The following SEC16A variants were observed in gnomAD, a reference collection of about 807,000 sequenced individuals.
The protein encoded by SEC16A is SEC16 homolog A, endoplasmic reticulum export factor.
A neutral mutation model predicts 221.9 loss-of-function variants in SEC16A; 110 were observed. The observed-to-expected ratio is 0.50, with a 90% CI of 0.42 to 0.58. The LOEUF (loss-of-function observed/expected upper bound fraction) is 0.58, where lower values mean the gene tolerates loss of function less well. Ranked by LOEUF, SEC16A falls within the 20% of genes least tolerant of loss-of-function variation. SEC16A has a pLI of 0.00. For missense variants in SEC16A, 3,165 were observed against 3,097.8 expected (o/e 1.02, Z -0.52); for synonymous variants, 1,393 against 1,257.7 (o/e 1.11, Z -2.28).
chr9:136,463,444 G>C lies in SEC16A; in HGVS notation c.4647+19C>G. The C allele has an allele frequency of 6.2e-7, 1 of 1,610,306 alleles. No homozygotes were observed. Among genetic ancestry groups the C allele is most frequent in the Non-Finnish European group, 8.5e-7 (1 of 1,177,706 alleles). ...AAGACCAGCAAGAAGAAACACTCTA[G>C]AAGTAGAAAGAAACATACCCCATTT... On this transcript the variant is annotated intron_variant, in intron 11 of 31. Coordinates refer to ENST00000684901, the MANE Select transcript of SEC16A (RefSeq NM_014866.2).
chr9:136,471,624 C>T (rs1840884062), intron 4 of SEC16A, among the ~76,000 whole-genome samples: 1 of 152,220 alleles, frequency 6.6e-6, no homozygotes, highest in Admixed American at 6.5e-5. Context: ...GGAGCCTGAA[C>T]ACCCCATTAG....
chr9:136,468,080 T>C (rs1840380724), intron 5 of SEC16A, among the ~76,000 whole-genome samples: 1 of 152,216 alleles, frequency 6.6e-6, no homozygotes, highest in African/African-American at 2.4e-5. Flanking sequence ...TTCCTTTTCA[T>C]CCGTTTATGT....
At chr9:136,462,288 A>T (rs1174230912) in intron 12 of SEC16A, among the ~76,000 whole-genome samples, 1 of 152,046 alleles carries the variant, frequency 6.6e-6, no homozygotes, top group East Asian at 1.9e-4. Context: ...CATGCACCCT[A>T]GACAGCCCCT....
At position 136,474,909 on chromosome 9, in the gene SEC16A, C is replaced by T; in HGVS notation, c.2707G>A (p.Ala903Thr). The change falls in exon 3 of 32, where the codon GCC becomes ACC. Residue 903 changes from alanine to threonine, a missense_variant. By Grantham distance (58) the Ala-to-Thr change is moderately conservative. Coordinates refer to ENST00000684901, the MANE Select transcript of SEC16A (RefSeq NM_014866.2). ...GAACCTTGTGGAAAATTACTTTGGG[C>T]AACACTGCTAGGCAGAGACAAGCTA... Reference protein sequence around the residue: ...VLSLSLPSSVAQSNFPQGSGA... With the variant: ...VLSLSLPSSVTQSNFPQGSGA... 1 of 1,613,830 alleles carries T rather than the reference C, an allele frequency of 6.2e-7. No homozygotes were observed. The highest frequency in any genetic ancestry group is 8.5e-7 in the Non-Finnish European group (1 of 1,179,874).
upstream of SEC16A, chr9:136,483,483 C>T (rs1038408406): frequency 9.2e-6 from 9 of 976,834 alleles, no homozygotes; most frequent in Non-Finnish European, 7.3e-6. Flanking sequence ...GGCCCCGCCC[C>T]CCTCCGGCGT....
At chr9:136,443,189 A>G (rs1226079435) in intron 31 of SEC16A, among the ~76,000 whole-genome samples, 1 of 152,132 alleles carries the variant, frequency 6.6e-6, no homozygotes, top group African/African-American at 2.4e-5. Context: ...CAACCTAGGA[A>G]AAGGCAAAGC....
intron 22 of SEC16A, among the ~76,000 whole-genome samples, chr9:136,452,030 C>G (rs937634606): frequency 6.6e-6 from 1 of 152,090 alleles, no homozygotes; most frequent in African/African-American, 2.4e-5. Context: ...GTATTTATAC[C>G]AAACATGTCT....
At chr9:136,472,622 C>T (rs1333246625) in intron 3 of SEC16A, among the ~76,000 whole-genome samples, 2 of 152,208 alleles carry the variant, frequency 1.3e-5, no homozygotes, top group Non-Finnish European at 2.9e-5. Flanking sequence ...AAAAGCGGAC[C>T]GTGCTTTATT....
At chr9:136,483,135 C>G (rs1842631295), upstream of SEC16A, 2 of 533,066 alleles carry the variant, frequency 3.8e-6, no homozygotes, top group African/African-American at 4.2e-5. Flanking sequence ...GCTCGTCGGC[C>G]CAGACGCGTT....
chr9:136,480,814 T>C (rs144711346), intron 1 of SEC16A, among the ~76,000 whole-genome samples: 6,473 of 151,410 alleles, frequency 0.043, 363 homozygotes, highest in African/African-American at 0.13. Flanking sequence ...GGCGTAAACC[T>C]GGGAGGCGGA....
In SEC16A at chr9:136,445,104, C is replaced by T. The variant is rs562597563; in HGVS notation, c.6875G>A (p.Arg2292His). ...TGATAATGAACTCATTGAACTACAG[C>T]GCGAAAGCTACAAAACAGCAAGAAC... ...PEGSQGGELSRCSSMSSLSRE... is the reference protein window; with the variant it reads ...PEGSQGGELSHCSSMSSLSRE... Residue 2292 changes from arginine (R) to histidine (H), a missense_variant, in exon 30 of 32, where the codon CGC (arginine) becomes CAC (histidine). Coordinates refer to ENST00000684901, the MANE Select transcript of SEC16A (RefSeq NM_014866.2). 12 of 1,605,100 alleles carry T rather than the reference C, an allele frequency of 7.5e-6. 1 individual carries two copies. The highest frequency in any genetic ancestry group is 6.7e-5 in the South Asian group (6 of 89,156).
chr9:136,476,067 G>A lies in SEC16A; in HGVS notation c.1549C>T (p.His517Tyr). 1 of 1,613,576 alleles carries A rather than the reference G, an allele frequency of 6.2e-7. No individual in the cohort carries two copies. The highest frequency in any genetic ancestry group is 8.5e-7 in the Non-Finnish European group (1 of 1,179,876). Residue 517 changes from histidine (H) to tyrosine (Y), a missense_variant, in exon 3 of 32, where the codon CAC becomes TAC. Physicochemically the swap from His to Tyr is moderately conservative, Grantham distance 83. Around this residue, in one of 3 missense-constraint regions of SEC16A, gnomAD observed 2,030 missense variants for 1,923.1 expected, o/e 1.06. Transcript: ENST00000684901. ...TAGCTGGATGACACGCTGTCAGGGT[G>A]CACTGTATGCAGTGTGGCATCAGGG... ...GAPDATLHTV[H>Y]PDSVSSSYSS...
At chr9:136,455,835 C>A in intron 19 of SEC16A, 42 bp from the exon 20 acceptor site, 1 of 1,538,548 alleles carries the variant, frequency 6.5e-7, no homozygotes, top group Non-Finnish European at 8.8e-7. Flanking sequence ...CCGCCTGTGG[C>A]CGCTCTGCAG....
intron 23 of SEC16A, 150 bp downstream of exon 23, chr9:136,451,106 C>T: frequency 3.9e-6 from 3 of 770,778 alleles, no homozygotes; most frequent in Non-Finnish European, 6.2e-6. Flanking sequence ...ACACAGACAC[C>T]CATCATGCCG....
At chr9:136,484,464 A>C, upstream of SEC16A, 1 of 1,209,550 alleles carries the variant, frequency 8.3e-7, no homozygotes, top group South Asian at 1.5e-5. Context: ...GGGCCCACTC[A>C]CCTGCACACC....
At chr9:136,443,937 G>C in intron 30 of SEC16A, 37 bp from the exon 31 acceptor site, 1 of 1,480,792 alleles carries the variant, frequency 6.8e-7, no homozygotes, top group Non-Finnish European at 9.2e-7. Context: ...GCAGGGCTGC[G>C]CTGCACAGCA....
chr9:136,473,668 A>C (rs1841207381), intron 3 of SEC16A, among the ~76,000 whole-genome samples: 1 of 152,246 alleles, frequency 6.6e-6, no homozygotes, highest in Non-Finnish European at 1.5e-5. Context: ...AAGCTTCCAG[A>C]GGCTAGCCCA....
chr9:136,447,047 C>G lies in SEC16A; in HGVS notation c.6698-98G>C. 1 of 1,586,820 alleles carries G rather than the reference C, an allele frequency of 6.3e-7. No homozygotes were observed. Among genetic ancestry groups the G allele is most frequent in the African/African-American group, 1.4e-5 (1 of 73,458 alleles). ...GAGGAAGAGAGTTTCACACTGCACA[C>G]GCGGCACACTCATGCAGAAACAGGC... On this transcript the variant is annotated intron_variant, in intron 27 of 31. Transcript: ENST00000684901. This position sits in a 1 kb window ranked among gnomAD's most constrained non-coding sequence, Gnocchi z 5.5.
intron 31 of SEC16A, among the ~76,000 whole-genome samples, chr9:136,443,369 C>T (rs1836480415): frequency 6.6e-6 from 1 of 152,188 alleles, no homozygotes; most frequent in Non-Finnish European, 1.5e-5. Flanking sequence ...GGACTGCCAC[C>T]CAGTAGGTGT....
Sources: allele counts gnomAD v4.1 joint callset (sites outside exome capture counted in the v4.1 genomes callset), GRCh38; gene constraint gnomAD v4.1.1; regional missense constraint gnomAD v4.1.1; non-coding constraint Gnocchi (gnomAD v3.1); transcripts MANE v1.5; gene names NCBI Gene and HGNC (gene_info 2026-07-23, HGNC 2026-07-21).